The following SCML4 variants were observed in gnomAD, a reference collection of about 807,000 sequenced individuals.
The protein encoded by SCML4 is sex comb on midleg-like protein 4.
SCML4 carries 34 observed loss-of-function variants against 41.1 expected under a neutral mutation model. The observed-to-expected ratio is 0.83, with a 90% CI of 0.63 to 1.10. The LOEUF (loss-of-function observed/expected upper bound fraction) is 1.10, where lower values mean the gene tolerates loss of function less well. Ranked by LOEUF, SCML4 falls within the 50% of genes least tolerant of loss-of-function variation. SCML4 has a pLI of 0.00. For missense variants in SCML4, 522 were observed against 534.1 expected (o/e 0.98, Z 0.22); for synonymous variants, 214 against 220.9 (o/e 0.97, Z 0.28).
chr6:107,826,225 C>G (rs1785250154), upstream of SCML4, among the ~76,000 whole-genome samples: 1 of 133,934 alleles, frequency 7.5e-6, no homozygotes, highest in Non-Finnish European at 1.6e-5. Context: ...GCTTGGGTGA[C>G]AAGAGTGAAA....
chr6:107,743,341 G>C (rs75157160), intron 5 of SCML4, among the ~76,000 whole-genome samples: 1 of 152,142 alleles, frequency 6.6e-6, no homozygotes, highest in Admixed American at 6.5e-5. Context: ...AACTAGTCCC[G>C]CAGGATACAA....
intron 1 of SCML4, among the ~76,000 whole-genome samples, chr6:107,777,432 T>A (rs1317602649): frequency 6.6e-6 from 1 of 152,154 alleles, no homozygotes; most frequent in Non-Finnish European, 1.5e-5. Context: ...TCAGAATTTT[T>A]AAAATCAGAA....
rs114160463 is a variant in SCML4, at chr6:107,773,351, G to A, written c.-59-965C>T. Among the ~76,000 whole-genome samples the A allele has an allele frequency of 8.2e-3, 1,242 of 152,224 alleles. 20 individuals are homozygous for A. The highest frequency in any genetic ancestry group is 0.028 in the African/African-American group (1,176 of 41,548). On this transcript the variant is annotated intron_variant, in intron 1 of 7. Coordinates refer to ENST00000369020, the MANE Select transcript of SCML4 (RefSeq NM_198081.5). ...TCATGCCTGTAATCCCAGCACTTTGGGAAGCTGAGGCTGCTGGATCACTTG... is the reference window on the plus strand; with the variant it reads ...TCATGCCTGTAATCCCAGCACTTTGAGAAGCTGAGGCTGCTGGATCACTTG...
intron 1 of SCML4, among the ~76,000 whole-genome samples, chr6:107,779,180 AAAAT>A (rs34080063): frequency 1.3e-5 from 2 of 148,668 alleles, no homozygotes; most frequent in Non-Finnish European, 3.0e-5. Context: ...ACTCCATCTC[AAAAT>A]AAATAAATAA....
At chr6:107,754,060 C>T (rs985786417) in intron 2 of SCML4, among the ~76,000 whole-genome samples, 1 of 152,062 alleles carries the variant, frequency 6.6e-6, no homozygotes, top group Non-Finnish European at 1.5e-5. Context: ...GAATGGAGCA[C>T]GGCTGCTGAG....
intron 1 of SCML4, among the ~76,000 whole-genome samples, chr6:107,803,488 G>C (rs1422150786): frequency 7.5e-5 from 11 of 147,374 alleles, no homozygotes; most frequent in Non-Finnish European, 1.4e-4. Context: ...GCCTCTGCCC[G>C]GCCGCCCCTA....
At chr6:107,720,087 T>C (rs770693910) in intron 6 of SCML4, 65 of 985,330 alleles carry the variant, frequency 6.6e-5, no homozygotes, top group Non-Finnish European at 7.1e-5. Flanking sequence ...CATGTATTTG[T>C]ATCCTGAAGG....
upstream of SCML4, among the ~76,000 whole-genome samples, chr6:107,826,498 TA>T (rs755281005): frequency 2.0e-5 from 3 of 151,850 alleles, no homozygotes; most frequent in Non-Finnish European, 2.9e-5. Flanking sequence ...TTCTTAGGAT[TA>T]AAAAAAATAA....
rs757850264 is a variant in SCML4, at chr6:107,749,710, C to G, written c.260G>C (p.Ser87Thr). ...SIPQDAATVPSLAAPQALTVC... is the reference protein window; with the variant it reads ...SIPQDAATVPTLAAPQALTVC... ...TGTGAGAGCCTGTGGGGCCGCCAAG[C>G]TGGGGACCGTGGCTGCGTCCTGAGG... The change falls in exon 3 of 8, where the codon AGC becomes ACC. Residue 87 changes from serine to threonine, a missense_variant. By Grantham distance (58) the Ser-to-Thr change is moderately conservative. Coordinates refer to ENST00000369020, the MANE Select transcript of SCML4 (RefSeq NM_198081.5). The G allele has an allele frequency of 6.2e-7, 1 of 1,614,058 alleles. No individual in the cohort carries two copies. The highest frequency in any genetic ancestry group is 8.5e-7 in the Non-Finnish European group (1 of 1,180,012).
At chr6:107,740,848 T>C (rs547763165) in intron 5 of SCML4, among the ~76,000 whole-genome samples, 4 of 152,318 alleles carry the variant, frequency 2.6e-5, no homozygotes, top group African/African-American at 9.6e-5. Context: ...GAGAGCATGA[T>C]GCCAACTCAC....
At chr6:107,721,479 C>T (rs1256943940) in intron 5 of SCML4, among the ~76,000 whole-genome samples, 1 of 151,696 alleles carries the variant, frequency 6.6e-6, no homozygotes, top group African/African-American at 2.4e-5. Flanking sequence ...GCAGGAGAAT[C>T]GCTTGAACCC....
intron 2 of SCML4, among the ~76,000 whole-genome samples, chr6:107,756,848 C>T (rs771287808): frequency 3.9e-5 from 6 of 152,162 alleles, no homozygotes; most frequent in African/African-American, 1.4e-4. Flanking sequence ...GAAGAGAGGC[C>T]TCTTCCTGGC....
At chr6:107,800,518 G>A (rs907390462) in intron 1 of SCML4, among the ~76,000 whole-genome samples, 1 of 152,178 alleles carries the variant, frequency 6.6e-6, no homozygotes, top group Non-Finnish European at 1.5e-5. Flanking sequence ...TGGAAAAGAT[G>A]TGATTTTTAT....
chr6:107,746,084 G>C (rs1194205823), intron 4 of SCML4: 3 of 152,258 alleles, frequency 2.0e-5, no homozygotes, highest in Admixed American at 6.5e-5. Flanking sequence ...AAGGATTCCT[G>C]GATAGAGTGG....
At chr6:107,780,198 A>T (rs73525433) in intron 1 of SCML4, among the ~76,000 whole-genome samples, 5,353 of 152,266 alleles carry the variant, frequency 0.035, 278 homozygotes, top group African/African-American at 0.11. Flanking sequence ...AAATACATCA[A>T]TATAATAGAA....
intron 5 of SCML4, chr6:107,740,046 G>C (rs113341073): frequency 6.6e-6 from 3 of 452,218 alleles, no homozygotes. Flanking sequence ...AGCTAGGAAA[G>C]GGCTCAAGAG....
intron 1 of SCML4, among the ~76,000 whole-genome samples, chr6:107,811,218 A>T (rs895066875): frequency 2.0e-5 from 3 of 152,256 alleles, no homozygotes; most frequent in East Asian, 1.9e-4. Context: ...CCCAGTCTGC[A>T]GGATTTTGTT....
At chr6:107,793,803 GGTATA>G (rs1310385174) in intron 1 of SCML4, among the ~76,000 whole-genome samples, 1 of 152,080 alleles carries the variant, frequency 6.6e-6, no homozygotes, top group African/African-American at 2.4e-5. Flanking sequence ...AAAATAGCTG[GGTATA>G]GTGGCATGCA....
chr6:107,802,977 C>T (rs1166234623), intron 1 of SCML4, among the ~76,000 whole-genome samples: 1 of 151,624 alleles, frequency 6.6e-6, no homozygotes, highest in Admixed American at 6.6e-5. Context: ...AGCTCCTAAC[C>T]GCGAGTGATC....
Sources: gnomAD v4.1 joint callset for allele counts (sites outside exome capture counted in the v4.1 genomes callset) on GRCh38, gnomAD v4.1.1 for gene constraint, MANE v1.5 for transcripts, NCBI Gene and HGNC (gene_info 2026-07-23, HGNC 2026-07-21) for gene names.